CYTH4: variants seen among roughly 807,000 people sequenced by gnomAD.
CYTH4 encodes the protein cytohesin 4, also known as cytohesin-4.
In CYTH4, 22 loss-of-function variants were observed where a neutral mutation model predicts 57.5. The ratio of observed to expected loss-of-function variants is 0.38; its 90% CI spans 0.27 to 0.55. The LOEUF is 0.55. Among genes scored for constraint, CYTH4 ranks in the 20% least tolerant of loss-of-function variants. CYTH4 has a pLI of 0.74. For missense variants in CYTH4, 420 were observed against 535.6 expected (o/e 0.78, Z 2.13); for synonymous variants, 186 against 206.5 (o/e 0.90, Z 0.85).
At chr22:37,308,813 T>C (rs1929520549) in intron 8 of CYTH4, among the ~76,000 whole-genome samples, 1 of 152,094 alleles carries the variant, frequency 6.6e-6, no homozygotes, top group South Asian at 2.1e-4. Flanking sequence ...TGTGTGCATG[T>C]ATGTGTGAGC....
chr22:37,290,095 G>A (rs1308652880), intron 1 of CYTH4, among the ~76,000 whole-genome samples: 1 of 152,136 alleles, frequency 6.6e-6, no homozygotes, highest in East Asian at 1.9e-4. Context: ...AAGTACCAGC[G>A]ATGTCCATTC....
chr22:37,290,047 G>T (rs988116213), intron 1 of CYTH4, among the ~76,000 whole-genome samples: 8 of 152,154 alleles, frequency 5.3e-5, no homozygotes, highest in Admixed American at 1.3e-4. Flanking sequence ...CCACTACAAT[G>T]ATCCTGACCC....
At chr22:37,297,705 C>A in intron 5 of CYTH4, 23 bp downstream of exon 5, 1 of 1,595,768 alleles carries the variant, frequency 6.3e-7, no homozygotes, top group Non-Finnish European at 8.6e-7. Flanking sequence ...GGAGCCTTAG[C>A]GAGGCAGGAA....
chr22:37,300,296 ATTCATTCT>A, intron 6 of CYTH4: 1 of 708,764 alleles, frequency 1.4e-6, no homozygotes, highest in Non-Finnish European at 2.6e-6. Context: ...AGTCTCCCAT[ATTCATTCT>A]TTCATTCATT....
At chr22:37,285,365 G>GGTA (rs546355040) in intron 1 of CYTH4, among the ~76,000 whole-genome samples, 214 of 152,106 alleles carry the variant, frequency 1.4e-3, no homozygotes, top group African/African-American at 5.0e-3. Context: ...TGGTGGTGGT[G>GGTA]GTGGTGGTAA....
intron 8 of CYTH4, among the ~76,000 whole-genome samples, chr22:37,308,964 C>A (rs1469452120): frequency 6.6e-6 from 1 of 151,774 alleles, no homozygotes; most frequent in Non-Finnish European, 1.5e-5. Flanking sequence ...CCTGCAGTAG[C>A]ACAGAGGGAA....
At chr22:37,297,443 C>A in intron 4 of CYTH4, 121 bp from the exon 5 acceptor site, 1 of 818,582 alleles carries the variant, frequency 1.2e-6, no homozygotes, top group Non-Finnish European at 2.0e-6. Context: ...CCAGAACAGA[C>A]TGTGCCAACA....
chr22:37,287,081 G>A lies in CYTH4; in HGVS notation c.19+4493G>A, dbSNP rs116633562. On this transcript the variant is annotated intron_variant, in intron 1 of 12. Coordinates refer to ENST00000248901, the MANE Select transcript of CYTH4 (RefSeq NM_013385.5). ...GAGCTCAGGAATTCAGGAAGAGGAT[G>A]GGGAGGAGGGGGCATTCTAGAAGTT... 2.0e-5 allele frequency among the ~76,000 whole-genome samples: 3 copies of A among 152,244 alleles called. No homozygotes were observed. The South Asian group carries it at 6.2e-4, about 32-fold the overall frequency.
At chr22:37,299,174 T>A in intron 5 of CYTH4, 52 bp from the exon 6 acceptor site, 1 of 1,444,212 alleles carries the variant, frequency 6.9e-7, no homozygotes. Context: ...AGGAGGTGGG[T>A]GCCAGCAAGT....
intron 6 of CYTH4, among the ~76,000 whole-genome samples, chr22:37,299,749 C>G (rs1405485656): frequency 2.6e-5 from 4 of 152,208 alleles, no homozygotes; most frequent in African/African-American, 9.7e-5. Flanking sequence ...GAAGCACAAA[C>G]TCTGGAGCCA....
In CYTH4 at chr22:37,298,145, G is replaced by A. The variant is rs1929043345; in HGVS notation, c.353+463G>A. The A allele has an allele frequency of 6.4e-6, 1 of 157,276 alleles. No homozygotes were observed. Among genetic ancestry groups the A allele is most frequent in the Non-Finnish European group, 1.4e-5 (1 of 70,822 alleles). The allele number at this position is 157,276 out of a possible 1,614,324, so 9.7% of individuals were successfully genotyped here. ...GCACTTTGGGAGGCCGAGGCAGGCAGATCGCGAGGTCAGGAGTTCCAGATC... is the reference window on the plus strand; with the variant it reads ...GCACTTTGGGAGGCCGAGGCAGGCAAATCGCGAGGTCAGGAGTTCCAGATC... On this transcript the variant is annotated intron_variant, in intron 5 of 12. Transcript: ENST00000248901. The surrounding 1 kb of genome is among the most constrained non-coding windows in gnomAD (Gnocchi z 4.1).
chr22:37,290,918 C>T (rs1489530025), intron 1 of CYTH4, among the ~76,000 whole-genome samples: 1 of 152,190 alleles, frequency 6.6e-6, no homozygotes, highest in Non-Finnish European at 1.5e-5. Flanking sequence ...TGTGAGCCAT[C>T]AGCAGGCTTT....
At position 37,310,984 on chromosome 22, in the gene CYTH4, G is replaced by C; in HGVS notation, c.809-4G>C. On this transcript the variant is annotated splice_polypyrimidine_tract_variant and splice_region_variant and intron_variant, in intron 9 of 12. Coordinates refer to ENST00000248901, the MANE Select transcript of CYTH4 (RefSeq NM_013385.5). Reference sequence around the variant, plus strand: ...GACCAGCTTGCTACATTGGCCTTGCGCAGGGGGCCGCGTGAAGACGTGGAA... The same window carrying C: ...GACCAGCTTGCTACATTGGCCTTGCCCAGGGGGCCGCGTGAAGACGTGGAA... 3 of 1,614,106 alleles carry C rather than the reference G, an allele frequency of 1.9e-6. No individual in the cohort carries two copies. Among genetic ancestry groups the C allele is most frequent in the Admixed American group, 3.3e-5 (2 of 60,024 alleles).
In CYTH4 at chr22:37,292,668, A is replaced by G. The variant is rs762736131; in HGVS notation, c.67A>G (p.Lys23Glu). The change falls in exon 2 of 13, where the codon AAG (lysine) becomes GAG (glutamate). Residue 23 changes from lysine to glutamate, a missense_variant. Lys to Glu is a moderately conservative substitution (Grantham distance 56, BLOSUM62 1). Transcript: ENST00000248901. ...SGETEELQRI[K>E]WHRKQLLEDI... The stretch of plus-strand genomic sequence containing the variant: ...GGAGACGGAAGAGTTACAGAGGATC[A>G]AGTGGCACCGAAAGCAGCTCCTGGA... The G allele has an allele frequency of 1.2e-6, 2 of 1,613,882 alleles. No homozygotes were observed. Among genetic ancestry groups the G allele is most frequent in the Non-Finnish European group, 1.7e-6 (2 of 1,179,956 alleles).
chr22:37,287,013 G>GTGGGAGTCAGAGTGCCTCCTGGGGAAA (rs1928584437), intron 1 of CYTH4, among the ~76,000 whole-genome samples: 1 of 152,186 alleles, frequency 6.6e-6, no homozygotes, highest in East Asian at 1.9e-4. Flanking sequence ...TGACAGCCAG[G>GTGGGAGTCAGAGTGCCTCCTGGGGAAA]TGGGAGTCAG....
chr22:37,304,312 G>A (rs1246943414), intron 8 of CYTH4: 1 of 456,080 alleles, frequency 2.2e-6, no homozygotes, highest in Non-Finnish European at 4.4e-6. Flanking sequence ...ACAGTAGTGG[G>A]TGACAGGGTG....
chr22:37,297,809 C>T (rs2145861613), intron 5 of CYTH4, 127 bp downstream of exon 5: 1 of 735,988 alleles, frequency 1.4e-6, no homozygotes, highest in Non-Finnish European at 2.3e-6. Flanking sequence ...TTGAGGGGCT[C>T]ACGGATCATC....
intron 1 of CYTH4, among the ~76,000 whole-genome samples, chr22:37,284,797 G>C (rs55681519): frequency 6.6e-6 from 1 of 152,178 alleles, no homozygotes; most frequent in Non-Finnish European, 1.5e-5. Flanking sequence ...GGCCTGTGTC[G>C]GGAAGCAGGT....
At chr22:37,305,144 C>T (rs1158889975) in intron 8 of CYTH4, among the ~76,000 whole-genome samples, 1 of 152,146 alleles carries the variant, frequency 6.6e-6, no homozygotes, top group Non-Finnish European at 1.5e-5. Flanking sequence ...CTGGTCCTGC[C>T]GCTCTCCCAG....
Sources: allele counts gnomAD v4.1 joint callset (sites outside exome capture counted in the v4.1 genomes callset), GRCh38; gene constraint gnomAD v4.1.1; non-coding constraint Gnocchi (gnomAD v3.1); transcripts MANE v1.5; gene names NCBI Gene and HGNC (gene_info 2026-07-23, HGNC 2026-07-21).